The following SPSB4 variants were observed in gnomAD, a reference collection of about 807,000 sequenced individuals.
The protein encoded by SPSB4 is SPRY domain-containing SOCS box protein 4.
Under a neutral mutation model 20.9 loss-of-function variants are expected in SPSB4, and 21 were observed. The ratio of observed to expected loss-of-function variants is 1.01; its 90% CI spans 0.71 to 1.45. The LOEUF (loss-of-function observed/expected upper bound fraction) is 1.45. Among genes scored for constraint, SPSB4 ranks in the 40% most tolerant of loss-of-function variants. SPSB4 has a pLI of 0.00. For synonymous variants in SPSB4, 207 were observed against 183.8 expected (o/e 1.13, Z -1.02); for missense variants, 399 against 399.2 (o/e 1.00, Z 0.00).
At chr3:141,087,637 C>T (rs555711391) in intron 2 of SPSB4, among the ~76,000 whole-genome samples, 3 of 152,294 alleles carry the variant, frequency 2.0e-5, no homozygotes, top group East Asian at 1.9e-4. Flanking sequence ...CAAACAGCCT[C>T]GGAAGGTCAA....
At chr3:141,140,959 G>C (rs978077440) in intron 2 of SPSB4, among the ~76,000 whole-genome samples, 7 of 152,208 alleles carry the variant, frequency 4.6e-5, no homozygotes, top group Non-Finnish European at 1.0e-4. Flanking sequence ...AGGCCTCCTT[G>C]AGCTGTGGTG....
At chr3:141,105,453 A>G (rs1938672759) in intron 2 of SPSB4, among the ~76,000 whole-genome samples, 1 of 152,200 alleles carries the variant, frequency 6.6e-6, no homozygotes, top group Non-Finnish European at 1.5e-5. Context: ...TACTTGCTAT[A>G]TTATGCCAAG....
At chr3:141,071,835 T>C (rs1307732165) in intron 2 of SPSB4, among the ~76,000 whole-genome samples, 4 of 152,254 alleles carry the variant, frequency 2.6e-5, no homozygotes, top group Non-Finnish European at 5.9e-5. Context: ...CTAGATGGTT[T>C]AATTGATCTG....
At chr3:141,112,643 T>TCAAAAA (rs1938819122) in intron 2 of SPSB4, among the ~76,000 whole-genome samples, 1 of 36,028 alleles carries the variant, frequency 2.8e-5, no homozygotes, top group Non-Finnish European at 4.3e-5. Context: ...AGACTCCGTC[T>TCAAAAA]CAAAAAAAAA....
chr3:141,142,502 A>G (rs1191124437), intron 2 of SPSB4, among the ~76,000 whole-genome samples: 4 of 152,206 alleles, frequency 2.6e-5, no homozygotes, highest in African/African-American at 9.6e-5. Flanking sequence ...GCTGAAGAAA[A>G]GAATGTATAT....
At chr3:141,082,957 C>T (rs143727116) in intron 2 of SPSB4, among the ~76,000 whole-genome samples, 74 of 152,298 alleles carry the variant, frequency 4.9e-4, no homozygotes, top group African/African-American at 1.8e-3. Context: ...GTGATCTGGG[C>T]TTCCTCAGAT....
chr3:141,115,823 G>T (rs1938871612), intron 2 of SPSB4, among the ~76,000 whole-genome samples: 1 of 152,100 alleles, frequency 6.6e-6, no homozygotes, highest in Non-Finnish European at 1.5e-5. Flanking sequence ...TAAATACTGG[G>T]TTCCTCTTGG....
At chr3:141,123,140 T>G (rs1232697675) in intron 2 of SPSB4, among the ~76,000 whole-genome samples, 1 of 152,248 alleles carries the variant, frequency 6.6e-6, no homozygotes, top group Non-Finnish European at 1.5e-5. Flanking sequence ...AGAATTGGAT[T>G]AAACATAATC....
At chr3:141,129,668 G>T (rs986596044) in intron 2 of SPSB4, among the ~76,000 whole-genome samples, 19 of 152,154 alleles carry the variant, frequency 1.2e-4, no homozygotes, top group African/African-American at 4.1e-4. Flanking sequence ...GGCCCAGGCT[G>T]CCCCCTTGAT....
intron 1 of SPSB4, among the ~76,000 whole-genome samples, chr3:141,054,105 A>G (rs1339357548): frequency 6.6e-6 from 1 of 152,274 alleles, no homozygotes; most frequent in Non-Finnish European, 1.5e-5. Flanking sequence ...AAAGTGGCCA[A>G]GCCACAGTGG....
At chr3:141,145,841 C>T (rs1939405581) in intron 2 of SPSB4, among the ~76,000 whole-genome samples, 1 of 152,032 alleles carries the variant, frequency 6.6e-6, no homozygotes, top group Admixed American at 6.6e-5. Context: ...TGTTTTATTC[C>T]TCCTTTGCCT....
At chr3:141,123,808 A>G (rs773699267) in intron 2 of SPSB4, among the ~76,000 whole-genome samples, 2 of 152,214 alleles carry the variant, frequency 1.3e-5, no homozygotes, top group Admixed American at 6.5e-5. Flanking sequence ...ATGCCAACCC[A>G]GAGGCACCCC....
intron 2 of SPSB4, among the ~76,000 whole-genome samples, chr3:141,069,442 A>G (rs1937951772): frequency 6.6e-6 from 1 of 152,190 alleles, no homozygotes; most frequent in Admixed American, 6.5e-5. Context: ...GATTCTGTGC[A>G]TGGAAAGGAT....
Position 141,051,373 on chromosome 3 carries a change from G to C in SPSB4, c.-773G>C, listed in dbSNP as rs539386976. On this transcript the variant is annotated 5_prime_UTR_variant, in exon 1 of 3. Transcript: ENST00000310546. ...GATCGGCTTTCAGCTGCAGCCTCCGGGCCGGCCGGGAAGGCGGGGAGCGGG... is the reference window on the plus strand; with the variant it reads ...GATCGGCTTTCAGCTGCAGCCTCCGCGCCGGCCGGGAAGGCGGGGAGCGGG... 90 of 155,162 alleles carry C rather than the reference G, an allele frequency of 5.8e-4. No individual in the cohort carries two copies. Among genetic ancestry groups the C allele is most frequent in the African/African-American group, 1.8e-3 (74 of 41,520 alleles). The allele number at this position is 155,162 out of a possible 1,614,324, so 9.6% of individuals were successfully genotyped here.
intron 2 of SPSB4, among the ~76,000 whole-genome samples, chr3:141,089,125 TC>T (rs1938403019): frequency 6.6e-6 from 1 of 152,182 alleles, no homozygotes; most frequent in African/African-American, 2.4e-5. Context: ...TAGGGGGTCA[TC>T]CCCATCCTCC....
intron 1 of SPSB4, among the ~76,000 whole-genome samples, chr3:141,059,720 C>T (rs144792780): frequency 6.6e-5 from 10 of 152,176 alleles, no homozygotes; most frequent in African/African-American, 2.2e-4. Context: ...TTGGGGAGGA[C>T]ACAATCAGTT....
chr3:141,100,218 A>C (rs56336339), intron 2 of SPSB4, among the ~76,000 whole-genome samples: 1 of 152,088 alleles, frequency 6.6e-6, no homozygotes, highest in South Asian at 2.1e-4. Flanking sequence ...TGTGTCCCCC[A>C]CAAATTCATA....
intron 2 of SPSB4, among the ~76,000 whole-genome samples, chr3:141,139,282 T>C (rs553432284): frequency 3.7e-4 from 57 of 152,310 alleles, no homozygotes; most frequent in African/African-American, 1.3e-3. Context: ...GTCTTGACTC[T>C]TTATCCAATT....
At chr3:141,053,187 C>T (rs1936125729) in intron 1 of SPSB4, among the ~76,000 whole-genome samples, 5 of 151,898 alleles carry the variant, frequency 3.3e-5, no homozygotes, top group Admixed American at 3.3e-4. Context: ...GACTCTGAGC[C>T]CTCTATCCTC....
Sources: gnomAD v4.1 joint callset for allele counts (sites outside exome capture counted in the v4.1 genomes callset) on GRCh38, gnomAD v4.1.1 for gene constraint, MANE v1.5 for transcripts, NCBI Gene and HGNC (gene_info 2026-07-23, HGNC 2026-07-21) for gene names.